KAZN: variants seen among roughly 807,000 people sequenced by gnomAD.
The protein encoded by KAZN is kazrin, periplakin interacting protein, also known as kazrin.
KAZN carries 40 observed loss-of-function variants against 87.4 expected under a neutral mutation model. That is an observed-to-expected ratio of 0.46 (90% CI 0.36 to 0.60). KAZN has a LOEUF of 0.60. Among genes scored for constraint, KAZN ranks in the 20% least tolerant of loss-of-function variants. The probability of loss-of-function intolerance (pLI) is 0.00; values close to 1 mark genes in which losing one functional copy is unlikely to be tolerated. For missense variants in KAZN, 898 were observed against 1,073.9 expected, an observed-to-expected ratio of 0.84 and a Z score of 2.29; for synonymous variants, 466 against 458.3, an observed-to-expected ratio of 1.02 and a Z score of -0.22.
chr1:13,895,620 CA>C (rs976001155), intron 1 of KAZN, among the ~76,000 whole-genome samples: 67 of 152,332 alleles, frequency 4.4e-4, no homozygotes, highest in African/African-American at 1.5e-3. Context: ...TGGAGACCAA[CA>C]CTGATACGTC....
intron 1 of KAZN, among the ~76,000 whole-genome samples, chr1:14,170,875 C>T (rs557493202): frequency 3.7e-4 from 57 of 152,260 alleles, no homozygotes; most frequent in African/African-American, 1.3e-3. Context: ...GTGCCTGCCA[C>T]CATGCCCAGC....
chr1:14,352,457 T>G (rs925686686), intron 2 of KAZN, among the ~76,000 whole-genome samples: 24 of 152,308 alleles, frequency 1.6e-4, no homozygotes, highest in African/African-American at 5.3e-4. Flanking sequence ...AATTGATTAC[T>G]TTGCCTCATA....
intron 2 of KAZN, among the ~76,000 whole-genome samples, chr1:14,566,013 A>C (rs769446056): frequency 9.9e-5 from 15 of 152,228 alleles, no homozygotes; most frequent in Non-Finnish European, 1.6e-4. Context: ...ATGAATTACA[A>C]ATGTTCTTAA....
intron 1 of KAZN, among the ~76,000 whole-genome samples, chr1:13,973,926 G>A (rs1001802671): frequency 6.6e-6 from 1 of 152,212 alleles, no homozygotes; most frequent in Admixed American, 6.5e-5. Flanking sequence ...GGTTCACCAG[G>A]AGGATTCCTA....
chr1:14,032,043 C>T (rs1641351847), intron 1 of KAZN, among the ~76,000 whole-genome samples: 1 of 151,974 alleles, frequency 6.6e-6, no homozygotes, highest in South Asian at 2.1e-4. Flanking sequence ...TCATCCATAC[C>T]CTCTCTTCTC....
chr1:14,581,683 T>A (rs1287422764), intron 2 of KAZN, among the ~76,000 whole-genome samples: 1 of 152,222 alleles, frequency 6.6e-6, no homozygotes, highest in Non-Finnish European at 1.5e-5. Flanking sequence ...CCTCATCTGC[T>A]GCCCACACCT....
At chr1:14,128,568 G>A (rs1196775141) in intron 1 of KAZN, among the ~76,000 whole-genome samples, 1 of 152,080 alleles carries the variant, frequency 6.6e-6, no homozygotes, top group South Asian at 2.1e-4. Context: ...GTCTCTTTGT[G>A]TGCCCAAATT....
At chr1:14,077,559 A>G (rs1643509788) in intron 1 of KAZN, among the ~76,000 whole-genome samples, 1 of 152,196 alleles carries the variant, frequency 6.6e-6, no homozygotes, top group Admixed American at 6.5e-5. Context: ...GACCTGGAAG[A>G]TGGACCTTGT....
intron 2 of KAZN, among the ~76,000 whole-genome samples, chr1:14,191,555 A>T (rs1016103781): frequency 6.6e-6 from 1 of 152,118 alleles, no homozygotes; most frequent in African/African-American, 2.4e-5. Flanking sequence ...AGCCTGAGAG[A>T]GAGTTCCGGG....
chr1:15,001,397 C>G (rs554079185), intron 2 of KAZN, among the ~76,000 whole-genome samples: 1 of 150,854 alleles, frequency 6.6e-6, no homozygotes, highest in Non-Finnish European at 1.5e-5. Context: ...ACCCAGGAGG[C>G]GGAGGTTGCA....
intron 1 of KAZN, among the ~76,000 whole-genome samples, chr1:13,907,004 G>A (rs1639462264): frequency 6.6e-6 from 1 of 152,210 alleles, no homozygotes; most frequent in African/African-American, 2.4e-5. Flanking sequence ...GTGTCTCCAG[G>A]TAATGCGTGG....
intron 1 of KAZN, among the ~76,000 whole-genome samples, chr1:14,696,243 T>C (rs1192418667): frequency 2.0e-5 from 3 of 152,122 alleles, no homozygotes; most frequent in East Asian, 3.9e-4. Flanking sequence ...CCACGCAGCA[T>C]TTACCTCCAG....
At chr1:14,230,425 G>A (rs535487928) in intron 2 of KAZN, among the ~76,000 whole-genome samples, 1 of 152,270 alleles carries the variant, frequency 6.6e-6, no homozygotes, top group Non-Finnish European at 1.5e-5. Context: ...TATGAGGTAA[G>A]CATTATCTCC....
At chr1:14,396,339 A>T (rs1338807147) in intron 2 of KAZN, among the ~76,000 whole-genome samples, 1 of 152,198 alleles carries the variant, frequency 6.6e-6, no homozygotes. Context: ...GTTCAGCCAC[A>T]CCAGCTATGG....
chr1:14,316,455 T>C (rs1655664306), intron 2 of KAZN, among the ~76,000 whole-genome samples: 3 of 152,030 alleles, frequency 2.0e-5, no homozygotes. Context: ...TCTCCCTTTG[T>C]TACTTGATCA....
At chr1:14,765,210 C>T (rs543285728) in intron 1 of KAZN, among the ~76,000 whole-genome samples, 1 of 152,314 alleles carries the variant, frequency 6.6e-6, no homozygotes, top group Non-Finnish European at 1.5e-5. Context: ...TATCATTCTC[C>T]CCATAGTATG....
intron 1 of KAZN, among the ~76,000 whole-genome samples, chr1:14,855,466 C>T (rs980060470): frequency 6.6e-6 from 1 of 152,248 alleles, no homozygotes; most frequent in African/African-American, 2.4e-5. Context: ...GCGCCTCATT[C>T]TCTGACTCAT....
intron 1 of KAZN, chr1:14,924,660 C>T (rs921625894): frequency 5.2e-6 from 4 of 765,870 alleles, no homozygotes; most frequent in African/African-American, 3.8e-5. Flanking sequence ...CGCTCGGAGC[C>T]GGGATCGGGA....
At chr1:15,050,158 TG>T (rs879874643) in intron 4 of KAZN, among the ~76,000 whole-genome samples, 4,154 of 121,164 alleles carry the variant, frequency 0.034, 171 homozygotes, top group African/African-American at 0.091. Context: ...TAGAATAGAA[TG>T]GAATAGAATA....
Sources: gnomAD v4.1 joint callset for allele counts (sites outside exome capture counted in the v4.1 genomes callset) on GRCh38, gnomAD v4.1.1 for gene constraint, MANE v1.5 for transcripts, NCBI Gene and HGNC (gene_info 2026-07-23, HGNC 2026-07-21) for gene names.